Variants in ACSL3 observed in about 807,000 individuals in gnomAD.
ACSL3 encodes fatty acid CoA ligase Acsl3.
ACSL3 carries 34 observed loss-of-function variants against 84.7 expected under a neutral mutation model. That is an observed-to-expected ratio of 0.40 (90% confidence interval 0.31 to 0.53). ACSL3 has a LOEUF of 0.53. ACSL3 is among the 20% of genes least tolerant of loss of function. The pLI is 0.48. For missense variants in ACSL3, 680 were observed against 873.1 expected, an observed-to-expected ratio of 0.78 and a Z score of 2.79; for synonymous variants, 315 against 299.4, an observed-to-expected ratio of 1.05 and a Z score of -0.54.
intron 12 of ACSL3, 65 bp from the exon 13 acceptor site, chr2:222,928,797 T>G: frequency 7.7e-7 from 1 of 1,306,982 alleles, no homozygotes; most frequent in Non-Finnish European, 1.1e-6. Context: ...TTTTGGTAAT[T>G]TAGAAAAATG....
chr2:222,910,574 C>T (rs1205719512), intron 4 of ACSL3, among the ~76,000 whole-genome samples: 1 of 152,178 alleles, frequency 6.6e-6, no homozygotes, highest in Non-Finnish European at 1.5e-5. Flanking sequence ...TTAATTTTGC[C>T]ACTTAAACAA....
rs1697400020 is a variant in ACSL3, at chr2:222,944,181, A to G, written c.*2527A>G. 1 of 152,118 alleles carries G rather than the reference A, an allele frequency of 6.6e-6. No individual in the cohort carries two copies. Among genetic ancestry groups the G allele is most frequent in the South Asian group, 2.1e-4 (1 of 4,828 alleles). 9.4% of individuals were successfully genotyped at this position (152,118 alleles called of 1,614,324 possible). On this transcript the variant is annotated 3_prime_UTR_variant, in exon 17 of 17. Transcript: ENST00000357430. Reference sequence around the variant, plus strand: ...ATACTACTTTGCTTTTCAGTAGTGGATTTGATATTTATAATGTTCTCTAAA... The same window carrying G: ...ATACTACTTTGCTTTTCAGTAGTGGGTTTGATATTTATAATGTTCTCTAAA...
At position 222,873,225 on chromosome 2, in the gene ACSL3, A is replaced by G. The variant is rs139391121; in HGVS notation, c.-207+11967A>G. Among the ~76,000 whole-genome samples, 979 of 152,372 alleles carry G rather than the reference A, an allele frequency of 6.4e-3. 5 individuals carry two copies. Among genetic ancestry groups the G allele is most frequent in the Non-Finnish European group, 0.011 (759 of 68,040 alleles). ...TATCTTCAGCAGTATTAAAACATCT[A>G]TAAATATATATAACAATATACCTGA... On this transcript the variant is annotated intron_variant, in intron 1 of 16. Transcript: ENST00000357430.
chr2:222,941,417 A>T, intron 16 of ACSL3, 80 bp from the exon 17 acceptor site: 1 of 1,186,406 alleles, frequency 8.4e-7, no homozygotes, highest in Non-Finnish European at 1.2e-6. Context: ...TTTGATGGAT[A>T]CGCAAAAAGT....
At chr2:222,905,751 G>T (rs1696276214) in intron 3 of ACSL3, among the ~76,000 whole-genome samples, 1 of 152,202 alleles carries the variant, frequency 6.6e-6, no homozygotes, top group South Asian at 2.1e-4. Flanking sequence ...AGAGCCTGAG[G>T]CTCAGTTGGG....
At position 222,918,121 on chromosome 2, in the gene ACSL3, T is replaced by C; in HGVS notation, c.632T>C (p.Ile211Thr). The change falls in exon 6 of 17, where the codon ATT (isoleucine) becomes ACT (threonine). Residue 211 changes from isoleucine to threonine, a missense_variant. Physicochemically the swap from Ile to Thr is moderately conservative, Grantham distance 89. Transcript: ENST00000357430. The stretch of plus-strand genomic sequence containing the variant: ...AATGAAACAGAGGTGACCAACATCA[T>C]TACTAGTAAAGAACTCTTACAAACA... ...ALNETEVTNI[I>T]TSKELLQTKL... 1.2e-6 allele frequency: 2 copies of C among 1,612,308 alleles called. No individual in the cohort carries two copies. Among genetic ancestry groups the C allele is most frequent in the Non-Finnish European group, 1.7e-6 (2 of 1,178,900 alleles).
chr2:222,875,103 G>A (rs1695411719), intron 1 of ACSL3, among the ~76,000 whole-genome samples: 1 of 150,700 alleles, frequency 6.6e-6, no homozygotes, highest in South Asian at 2.1e-4. Flanking sequence ...TAATGTTAAG[G>A]ATAATATATA....
At chr2:222,925,958 G>C (rs1245283277) in intron 11 of ACSL3, among the ~76,000 whole-genome samples, 1 of 152,110 alleles carries the variant, frequency 6.6e-6, no homozygotes, top group African/African-American at 2.4e-5. Flanking sequence ...TATTAATATA[G>C]TTTTCAGATG....
intron 8 of ACSL3, 128 bp downstream of exon 8, chr2:222,921,558 T>A: frequency 1.1e-6 from 1 of 875,802 alleles, no homozygotes; most frequent in Non-Finnish European, 1.6e-6. Flanking sequence ...GGCATTTCCT[T>A]AAAAAATAAA....
chr2:222,943,226 GTTTT>G lies in ACSL3; in HGVS notation c.*1575_*1578del, dbSNP rs1574576108. 1 of 201,904 alleles carries G rather than the reference GTTTT, an allele frequency of 5.0e-6. No homozygotes were observed. The highest frequency in any genetic ancestry group is 2.6e-5 in the African/African-American group (1 of 37,856). The allele number at this position is 201,904 out of a possible 1,614,324, so 12.5% of individuals were successfully genotyped here. ...GTATGTGGAGACATTGCAATACAGT[GTTTT>G]TTGTTTTCAACTTTTCTTGTATTGT... On this transcript the variant is annotated 3_prime_UTR_variant, in exon 17 of 17. Coordinates refer to ENST00000357430, the MANE Select transcript of ACSL3 (RefSeq NM_004457.5).
At chr2:222,934,291 TTCA>T (rs1411430168) in intron 15 of ACSL3, among the ~76,000 whole-genome samples, 1 of 152,230 alleles carries the variant, frequency 6.6e-6, no homozygotes, top group South Asian at 2.1e-4. Flanking sequence ...ATAGTTGAAA[TTCA>T]TCATGAAATG....
intron 1 of ACSL3, among the ~76,000 whole-genome samples, chr2:222,879,896 C>CTT (rs879514603): frequency 2.8e-4 from 40 of 144,222 alleles, no homozygotes; most frequent in African/African-American, 9.4e-4. Flanking sequence ...AATAATAAAC[C>CTT]TTTTTTTTTT....
intron 13 of ACSL3, 133 bp downstream of exon 13, chr2:222,929,069 A>G: frequency 1.6e-6 from 1 of 628,212 alleles, no homozygotes; most frequent in Non-Finnish European, 2.8e-6. Flanking sequence ...GACGTGTTTT[A>G]TCTCGAACTA....
At chr2:222,936,577 T>C (rs915441633) in intron 16 of ACSL3, among the ~76,000 whole-genome samples, 2 of 151,876 alleles carry the variant, frequency 1.3e-5, no homozygotes, top group African/African-American at 4.8e-5. Context: ...TTCAAGTCCT[T>C]TGCCCATTTT....
rs563518978 is a variant in ACSL3 at position 222,899,103 on chromosome 2, CTG to C, written c.-147-1569_-147-1568del. ...GTCATACGATATAGAAAAATAAACA[CTG>C]TTGAATTAAAGATCTAGATGTAAAA... is the stretch of plus-strand genomic sequence containing the variant. On this transcript the variant is annotated intron_variant, in intron 2 of 16. Coordinates refer to ENST00000357430, the MANE Select transcript of ACSL3 (RefSeq NM_004457.5). Among the ~76,000 whole-genome samples, 535 of 152,002 alleles carry C rather than the reference CTG, an allele frequency of 3.5e-3. 2 individuals are homozygous for C. Among genetic ancestry groups the C allele is most frequent in the Non-Finnish European group, 6.1e-3 (416 of 67,966 alleles).
intron 13 of ACSL3, among the ~76,000 whole-genome samples, chr2:222,929,524 G>A (rs1696967664): frequency 6.6e-6 from 1 of 152,150 alleles, no homozygotes. Context: ...GCTCACTCCT[G>A]TAATCCCAGC....
chr2:222,876,584 A>G (rs1186792379), intron 1 of ACSL3, among the ~76,000 whole-genome samples: 1 of 151,914 alleles, frequency 6.6e-6, no homozygotes, highest in Non-Finnish European at 1.5e-5. Flanking sequence ...AGTTACCCAA[A>G]CTGTTGGGAT....
intron 1 of ACSL3, among the ~76,000 whole-genome samples, chr2:222,868,852 C>A (rs1454269286): frequency 6.6e-6 from 1 of 151,942 alleles, no homozygotes; most frequent in Non-Finnish European, 1.5e-5. Context: ...TGCCTGTAAT[C>A]CCAGCTACTT....
chr2:222,922,880 G>T (rs755007755), intron 9 of ACSL3, 49 bp downstream of exon 9: 1 of 1,608,272 alleles, frequency 6.2e-7, no homozygotes, highest in African/African-American at 1.3e-5. Flanking sequence ...ATAGTGAATT[G>T]TAATGCATTT....
Sources: gnomAD v4.1 joint callset for allele counts (sites outside exome capture counted in the v4.1 genomes callset) on GRCh38, gnomAD v4.1.1 for gene constraint, MANE v1.5 for transcripts, NCBI Gene and HGNC (gene_info 2026-07-23, HGNC 2026-07-21) for gene names.